KCNH8: variants seen among roughly 807,000 people sequenced by gnomAD.
KCNH8 encodes voltage-gated delayed rectifier potassium channel KCNH8.
Under a neutral mutation model 103.6 loss-of-function variants are expected in KCNH8, and 70 were observed. That is an observed-to-expected ratio of 0.68 (90% CI 0.56 to 0.82). The LOEUF is 0.82. KCNH8 is among the 40% of genes least tolerant of loss of function. The pLI is 0.00. For missense variants in KCNH8, 1,217 were observed against 1,329.9 expected, an observed-to-expected ratio of 0.92 and a Z score of 1.32; for synonymous variants, 498 against 489.4, an observed-to-expected ratio of 1.02 and a Z score of -0.23.
intron 2 of KCNH8, among the ~76,000 whole-genome samples, chr3:19,260,667 A>G (rs61424852): frequency 0.039 from 5,762 of 148,638 alleles, 386 homozygotes; most frequent in African/African-American, 0.13. Context: ...ACTATTATTA[A>G]CTATAGTCTT....
intron 1 of KCNH8, among the ~76,000 whole-genome samples, chr3:19,193,860 T>C (rs1348239322): frequency 1.3e-5 from 2 of 151,776 alleles, no homozygotes; most frequent in Non-Finnish European, 3.0e-5. Context: ...TTTTTGTTTG[T>C]GTGTGTGCAA....
At position 19,265,675 on chromosome 3, in the gene KCNH8, C is replaced by T. The variant is rs375502851; in HGVS notation, c.310+11788C>T. Among the ~76,000 whole-genome samples, 266 of 152,028 alleles carry T rather than the reference C, an allele frequency of 1.7e-3. 4 individuals carry two copies. The highest frequency in any genetic ancestry group is 5.7e-3 in the African/African-American group (238 of 41,510). On this transcript the variant is annotated intron_variant, in intron 2 of 15. Transcript: ENST00000328405. ...GCCATGAATATCTATCCATCTTCAA[C>T]GAGATCCCACAAAAGTTTTGTGAGG...
At chr3:19,502,662 A>G (rs1417469059) in intron 11 of KCNH8, among the ~76,000 whole-genome samples, 3 of 152,028 alleles carry the variant, frequency 2.0e-5, no homozygotes, top group Admixed American at 6.6e-5. Context: ...ACCTCAGAAA[A>G]ACAAGCAATG....
In KCNH8 at chr3:19,198,111, C is replaced by T. The variant is rs143261592; in HGVS notation, c.76+49316C>T. The stretch of plus-strand genomic sequence containing the variant: ...CAATTGCAAACATTTATTGAGTATT[C>T]GTCATGTGCCTGACATAGAGATAAA... On this transcript the variant is annotated intron_variant, in intron 1 of 15. Coordinates refer to ENST00000328405, the MANE Select transcript of KCNH8 (RefSeq NM_144633.3). Among the ~76,000 whole-genome samples the T allele has an allele frequency of 2.0e-3, 307 of 152,120 alleles. 4 individuals are homozygous for T. The highest frequency in any genetic ancestry group is 7.0e-3 in the African/African-American group (289 of 41,518).
In KCNH8 at chr3:19,347,636, C is replaced by G. The variant is rs145737235; in HGVS notation, c.571-89C>G. On this transcript the variant is annotated intron_variant, in intron 4 of 15. Transcript: ENST00000328405. ...ATACTGCTTTGTGTAGTGAATGATC[C>G]TACTCACAAAAGTGTGTGTTTCAAG... The G allele has an allele frequency of 1.4e-4, 212 of 1,466,828 alleles. No individual in the cohort carries two copies. The African/African-American group carries it at 2.6e-3, about 18-fold the overall frequency. 90.9% of individuals were successfully genotyped at this position (1,466,828 alleles called of 1,614,324 possible). A position where few individuals can be genotyped will look rare whatever the true frequency, so the allele number is the denominator to read the frequency against.
chr3:19,315,962 C>G (rs1328434715), intron 3 of KCNH8, among the ~76,000 whole-genome samples: 1 of 151,878 alleles, frequency 6.6e-6, no homozygotes, highest in Non-Finnish European at 1.5e-5. Flanking sequence ...AAAGATGAAT[C>G]AATTGAAAGT....
chr3:19,530,503 A>C (rs2125253927), intron 15 of KCNH8, among the ~76,000 whole-genome samples: 1 of 152,304 alleles, frequency 6.6e-6, no homozygotes, highest in Middle Eastern at 3.4e-3. Flanking sequence ...TTATTTTGAA[A>C]ACTAGAAAAA....
intron 1 of KCNH8, among the ~76,000 whole-genome samples, chr3:19,186,204 G>A (rs1185608287): frequency 1.3e-5 from 2 of 150,988 alleles, no homozygotes; most frequent in East Asian, 3.9e-4. Context: ...GATTGTCTAG[G>A]AGACATTGCT....
At chr3:19,202,721 T>C (rs1471246226) in intron 1 of KCNH8, among the ~76,000 whole-genome samples, 1 of 152,170 alleles carries the variant, frequency 6.6e-6, no homozygotes, top group Non-Finnish European at 1.5e-5. Context: ...TATAACTATA[T>C]TGCATTGTTT....
At chr3:19,531,170 T>C (rs996251239) in intron 15 of KCNH8, among the ~76,000 whole-genome samples, 3 of 152,238 alleles carry the variant, frequency 2.0e-5, no homozygotes, top group South Asian at 2.1e-4. Context: ...GTGAGTTTCA[T>C]ACAGGAATTT....
chr3:19,255,065 A>T (rs1241568936), intron 2 of KCNH8, among the ~76,000 whole-genome samples: 1 of 152,056 alleles, frequency 6.6e-6, no homozygotes, highest in Non-Finnish European at 1.5e-5. Context: ...AAGGGTGGGG[A>T]CCTAATCCAA....
At chr3:19,197,660 G>A (rs2063615379) in intron 1 of KCNH8, among the ~76,000 whole-genome samples, 1 of 151,844 alleles carries the variant, frequency 6.6e-6, no homozygotes, top group Non-Finnish European at 1.5e-5. Context: ...TAAATTCTCG[G>A]TGGTTTGGTT....
chr3:19,328,626 A>C lies in KCNH8; in HGVS notation c.443-13961A>C, dbSNP rs542801111. ...ATGTCTTCATAAATTCTGTGGAAAA[A>C]AATATATAAATAGAAAGTAATAGCA... On this transcript the variant is annotated intron_variant, in intron 3 of 15. Coordinates refer to ENST00000328405, the MANE Select transcript of KCNH8 (RefSeq NM_144633.3). Among the ~76,000 whole-genome samples, 3 of 152,262 alleles carry C rather than the reference A, an allele frequency of 2.0e-5. No individual in the cohort carries two copies. The South Asian group carries it at 6.2e-4, about 32-fold the overall frequency.
At chr3:19,261,309 TA>T (rs1171223138) in intron 2 of KCNH8, among the ~76,000 whole-genome samples, 1 of 151,908 alleles carries the variant, frequency 6.6e-6, no homozygotes, top group African/African-American at 2.4e-5. Flanking sequence ...TGTGAGATGA[TA>T]TTGCATAGTA....
chr3:19,186,529 C>T (rs2063504128), intron 1 of KCNH8, among the ~76,000 whole-genome samples: 1 of 151,874 alleles, frequency 6.6e-6, no homozygotes, highest in South Asian at 2.1e-4. Flanking sequence ...GTGCCCTGCC[C>T]TCACATGATG....
chr3:19,328,851 A>T (rs1418409398), intron 3 of KCNH8, among the ~76,000 whole-genome samples: 1 of 152,176 alleles, frequency 6.6e-6, no homozygotes, highest in Non-Finnish European at 1.5e-5. Flanking sequence ...CTTGCTATGG[A>T]TACAATATGC....
At chr3:19,215,305 GTTTA>G (rs1240395644) in intron 1 of KCNH8, among the ~76,000 whole-genome samples, 1 of 152,190 alleles carries the variant, frequency 6.6e-6, no homozygotes, top group Non-Finnish European at 1.5e-5. Context: ...GGCCATAACA[GTTTA>G]TTTATAATTT....
intron 10 of KCNH8, 124 bp downstream of exon 10, chr3:19,451,528 T>C (rs2067447920): frequency 2.4e-6 from 2 of 818,504 alleles, no homozygotes; most frequent in Non-Finnish European, 3.9e-6. Flanking sequence ...AACTCAGGAG[T>C]ATTCCTCATA....
intron 3 of KCNH8, among the ~76,000 whole-genome samples, chr3:19,288,340 T>C (rs1319652985): frequency 1.3e-5 from 2 of 151,892 alleles, no homozygotes; most frequent in Non-Finnish European, 2.9e-5. Context: ...TAACTCGTCA[T>C]TTAACATTAG....
Sources: allele counts gnomAD v4.1 joint callset (sites outside exome capture counted in the v4.1 genomes callset), GRCh38; gene constraint gnomAD v4.1.1; transcripts MANE v1.5; gene names NCBI Gene and HGNC (gene_info 2026-07-23, HGNC 2026-07-21).